Variants in IL1RN observed in about 807,000 individuals in gnomAD.
IL1RN encodes the protein interleukin-1 receptor antagonist protein.
IL1RN carries 10 observed loss-of-function variants against 13.7 expected under a neutral mutation model. That is an observed-to-expected ratio of 0.73 (90% CI 0.45 to 1.24). IL1RN has a LOEUF of 1.24. Among genes scored for constraint, IL1RN ranks in the 50% most tolerant of loss-of-function variants. The pLI, the probability that IL1RN is intolerant of heterozygous loss-of-function variation, is 0.00. For missense variants in IL1RN, 213 were observed against 222.1 expected, an observed-to-expected ratio of 0.96 and a Z score of 0.26; for synonymous variants, 102 against 82.7, an observed-to-expected ratio of 1.23 and a Z score of -1.27.
intron 1 of IL1RN, among the ~76,000 whole-genome samples, chr2:113,111,802 A>G (rs1686501848): frequency 6.6e-6 from 1 of 152,260 alleles, no homozygotes; most frequent in Non-Finnish European, 1.5e-5. Flanking sequence ...TCGTGTGCAC[A>G]CACAAAAACC....
chr2:113,121,715 C>T (rs1573291676), intron 2 of IL1RN: 1 of 642,954 alleles, frequency 1.6e-6, no homozygotes, highest in Non-Finnish European at 1.9e-6. Flanking sequence ...TCCAGGAGAG[C>T]AGAGGTGGTC....
chr2:113,131,030 T>G lies in IL1RN; in HGVS notation c.206-15T>G. The G allele has an allele frequency of 6.6e-7, 1 of 1,524,520 alleles. No homozygotes were observed. The highest frequency in any genetic ancestry group is 9.1e-7 in the Non-Finnish European group (1 of 1,098,044). 94.4% of individuals were successfully genotyped at this position (1,524,520 alleles called of 1,614,324 possible). A position where few individuals can be genotyped will look rare whatever the true frequency, so the allele number is the denominator to read the frequency against. On this transcript the variant is annotated splice_polypyrimidine_tract_variant and intron_variant, in intron 2 of 3. Coordinates refer to ENST00000409930, the MANE Select transcript of IL1RN (RefSeq NM_173842.3). ...CTCTTCTATTAACCTGACCCTCCCCTCTGTTCTTCCCCAGAAAAGATAGAT... is the reference window on the plus strand; with the variant it reads ...CTCTTCTATTAACCTGACCCTCCCCGCTGTTCTTCCCCAGAAAAGATAGAT...
chr2:113,124,706 T>C (rs539044978), upstream of IL1RN, among the ~76,000 whole-genome samples: 16 of 152,248 alleles, frequency 1.1e-4, no homozygotes, highest in South Asian at 3.3e-3. Flanking sequence ...TGGCTTCTAT[T>C]ATTAGCTCTA....
At chr2:113,127,383 T>C (rs1265867395), upstream of IL1RN, 21 of 842,660 alleles carry the variant, frequency 2.5e-5, no homozygotes, top group Non-Finnish European at 3.0e-5. Context: ...GAAATCTTAA[T>C]TTTGGGGAAA....
upstream of IL1RN, among the ~76,000 whole-genome samples, chr2:113,103,999 T>C (rs576299439): frequency 6.6e-6 from 1 of 151,768 alleles, no homozygotes; most frequent in East Asian, 1.9e-4. Context: ...AAGGGGTGTT[T>C]TTTTTTTTTC....
chr2:113,100,030 G>A, the IL1RN span, among the ~76,000 whole-genome samples: 11 of 136,434 alleles, frequency 8.1e-5, no homozygotes, highest in Admixed American at 3.6e-4. Context: ...CACCGCGACT[G>A]GCCCCTCTTC....
At chr2:113,117,931 T>G in exon 1 of IL1RN, 3 of 836,260 alleles carry the variant, frequency 3.6e-6, no homozygotes, top group Non-Finnish European at 6.4e-6. Context: ...GCCCAGGTAC[T>G]GCCCGGGTGC....
In IL1RN at chr2:113,118,005, A is replaced by G. The variant is rs776325802; in HGVS notation, c.-14A>G. 9.3e-6 allele frequency: 14 copies of G among 1,513,216 alleles called. No homozygotes were observed. In the South Asian group the frequency reaches 1.3e-4, roughly 15 times the overall value. The allele number at this position is 1,513,216 out of a possible 1,614,324, so 93.7% of individuals were successfully genotyped here. ...AAGACCTCAGAAGACCTCCTGTCCT[A>G]TGAGGCCCTCCCCATGGCTTTAGGT... On this transcript the variant is annotated 5_prime_UTR_variant, in exon 1 of 6. Coordinates refer to the IL1RN transcript ENST00000259206.
upstream of IL1RN, among the ~76,000 whole-genome samples, chr2:113,126,870 C>T (rs552018293): frequency 1.2e-4 from 19 of 152,302 alleles, no homozygotes; most frequent in Admixed American, 1.0e-3. Flanking sequence ...TTTATGTCAT[C>T]GTCCCGAGAC....
chr2:113,119,009 T>G (rs1217350890), intron 1 of IL1RN, among the ~76,000 whole-genome samples: 1 of 151,964 alleles, frequency 6.6e-6, no homozygotes, highest in African/African-American at 2.4e-5. Context: ...TGCACTCCAG[T>G]CTGGGCAATA....
upstream of IL1RN, among the ~76,000 whole-genome samples, chr2:113,105,375 C>T (rs1355193371): frequency 6.6e-6 from 1 of 152,136 alleles, no homozygotes; most frequent in African/African-American, 2.4e-5. Context: ...AATGTTTGGG[C>T]TTACTTATCA....
chr2:113,110,736 C>T (rs1003251408), upstream of IL1RN, among the ~76,000 whole-genome samples: 4 of 152,240 alleles, frequency 2.6e-5, no homozygotes, highest in East Asian at 1.9e-4. Flanking sequence ...GGGATAAAAA[C>T]GCAACCTATA....
upstream of IL1RN, among the ~76,000 whole-genome samples, chr2:113,123,272 A>C (rs900722797): frequency 6.6e-6 from 1 of 152,228 alleles, no homozygotes; most frequent in African/African-American, 2.4e-5. Context: ...GAGAATGGCC[A>C]AGGCTGTAAG....
intron 1 of IL1RN, among the ~76,000 whole-genome samples, chr2:113,118,685 GA>G: frequency 6.6e-6 from 1 of 152,244 alleles, no homozygotes; most frequent in South Asian, 2.1e-4. Context: ...GTGGGGCAAA[GA>G]AAAAAACTCT....
upstream of IL1RN, among the ~76,000 whole-genome samples, chr2:113,114,514 A>C (rs1397331863): frequency 1.3e-5 from 2 of 152,134 alleles, no homozygotes; most frequent in African/African-American, 2.4e-5. Flanking sequence ...TCCCAGAAAA[A>C]TGGATTACAG....
intron 1 of IL1RN, among the ~76,000 whole-genome samples, chr2:113,119,329 A>G (rs1407427599): frequency 6.6e-6 from 1 of 152,218 alleles, no homozygotes; most frequent in African/African-American, 2.4e-5. Context: ...CATTTTCAGA[A>G]GAGGAAATGG....
chr2:113,105,221 G>T (rs1025665996), upstream of IL1RN, among the ~76,000 whole-genome samples: 1 of 152,208 alleles, frequency 6.6e-6, no homozygotes, highest in Non-Finnish European at 1.5e-5. Context: ...CTAGACTGAT[G>T]AACACGATGA....
the IL1RN span, among the ~76,000 whole-genome samples, chr2:113,099,521 C>T: frequency 6.6e-6 from 1 of 152,312 alleles, no homozygotes; most frequent in African/African-American, 2.4e-5. Context: ...AGTTCCTCGA[C>T]TGTCCCATGG....
upstream of IL1RN, among the ~76,000 whole-genome samples, chr2:113,116,929 G>A (rs1475371624): frequency 6.6e-6 from 1 of 152,230 alleles, no homozygotes; most frequent in East Asian, 1.9e-4. Flanking sequence ...GGTCTGAAGG[G>A]CAGAAGTGGT....
Sources: allele counts gnomAD v4.1 joint callset (sites outside exome capture counted in the v4.1 genomes callset), GRCh38; gene constraint gnomAD v4.1.1; transcripts MANE v1.5; gene names NCBI Gene and HGNC (gene_info 2026-07-23, HGNC 2026-07-21).